The following CCDC175 variants were observed in gnomAD, a reference collection of about 807,000 sequenced individuals.
CCDC175 encodes the protein coiled-coil domain containing 175.
Under a neutral mutation model 114.6 loss-of-function variants are expected in CCDC175, and 100 were observed. The observed-to-expected ratio is 0.87, with a 90% confidence interval of 0.74 to 1.03. The LOEUF (loss-of-function observed/expected upper bound fraction) is 1.03. Ranked by LOEUF, CCDC175 falls within the 50% of genes least tolerant of loss-of-function variation. CCDC175 has a pLI of 0.00. For synonymous variants in CCDC175, 306 were observed against 308.7 expected (o/e 0.99, Z 0.09); for missense variants, 880 against 917.8 (o/e 0.96, Z 0.53).
chr14:59,569,028 T>G (rs1196129549), intron 3 of CCDC175, among the ~76,000 whole-genome samples: 2 of 152,336 alleles, frequency 1.3e-5, no homozygotes, highest in Middle Eastern at 3.4e-3. Flanking sequence ...GGGAACCCAA[T>G]GTATTAAAGA....
chr14:59,536,999 T>C (rs1894442178), intron 13 of CCDC175, among the ~76,000 whole-genome samples: 1 of 152,138 alleles, frequency 6.6e-6, no homozygotes, highest in African/African-American at 2.4e-5. Flanking sequence ...GCCAGGCTGA[T>C]CTTGAACTCC....
At chr14:59,505,357 G>T in intron 19 of CCDC175, 42 bp from the exon 20 acceptor site, 1 of 1,113,160 alleles carries the variant, frequency 9.0e-7, no homozygotes, top group East Asian at 2.6e-5. Flanking sequence ...TATTTGTATT[G>T]CACACATTTG....
intron 16 of CCDC175, among the ~76,000 whole-genome samples, chr14:59,522,408 ATGT>A (rs1893473817): frequency 6.6e-6 from 1 of 152,184 alleles, no homozygotes; most frequent in African/African-American, 2.4e-5. Context: ...TGTATCTTTG[ATGT>A]TGTGTCAGCC....
intron 6 of CCDC175, among the ~76,000 whole-genome samples, chr14:59,562,709 C>A (rs896488457): frequency 6.6e-6 from 1 of 152,124 alleles, no homozygotes; most frequent in Non-Finnish European, 1.5e-5. Flanking sequence ...AGACATATTT[C>A]ATTTTTCCCA....
intron 3 of CCDC175, among the ~76,000 whole-genome samples, chr14:59,569,693 G>T (rs1349354902): frequency 1.3e-5 from 2 of 152,032 alleles, no homozygotes; most frequent in African/African-American, 4.8e-5. Flanking sequence ...TATTTTCCCT[G>T]GCAAACTAGA....
Position 59,563,729 on chromosome 14 carries a change from T to C in CCDC175, c.843+8A>G, listed in dbSNP as rs367893097. 109 of 1,393,626 alleles carry C rather than the reference T, an allele frequency of 7.8e-5. 4 individuals carry two copies. The highest frequency in any genetic ancestry group is 4.4e-4 in the Admixed American group (13 of 29,224). The allele number at this position is 1,393,626 out of a possible 1,614,324, so 86.3% of individuals were successfully genotyped here. On this transcript the variant is annotated splice_region_variant and intron_variant, in intron 6 of 19. Coordinates refer to ENST00000537690, the MANE Select transcript of CCDC175 (RefSeq NM_001164399.2). ...GCTTAAAAATATATATAGTTTATTCTTTCTTACCGCTGCGGAAACAGTAAC... is the reference window on the plus strand; with the variant it reads ...GCTTAAAAATATATATAGTTTATTCCTTCTTACCGCTGCGGAAACAGTAAC...
chr14:59,545,333 T>C (rs1895039052), intron 8 of CCDC175, 34 bp from the exon 9 acceptor site: 1 of 1,532,678 alleles, frequency 6.5e-7, no homozygotes, highest in Admixed American at 2.0e-5. Context: ...ATGAGAGGAC[T>C]GGCTTCACTG....
At chr14:59,524,800 C>T (rs1402369697) in intron 16 of CCDC175, among the ~76,000 whole-genome samples, 1 of 152,110 alleles carries the variant, frequency 6.6e-6, no homozygotes, top group Non-Finnish European at 1.5e-5. Flanking sequence ...TAGCCAAAAA[C>T]TAGAAACTCT....
At chr14:59,523,140 C>A (rs1284193194) in intron 16 of CCDC175, among the ~76,000 whole-genome samples, 1 of 152,220 alleles carries the variant, frequency 6.6e-6, no homozygotes, top group Non-Finnish European at 1.5e-5. Context: ...AATACATATT[C>A]CAATTCTTTT....
intron 16 of CCDC175, 24 bp from the exon 17 acceptor site, chr14:59,521,700 G>A (rs1470352825): frequency 1.5e-5 from 19 of 1,288,944 alleles, no homozygotes; most frequent in Non-Finnish European, 2.0e-5. Context: ...GCATGTGATT[G>A]CTTTTAGCAG....
intron 19 of CCDC175, among the ~76,000 whole-genome samples, chr14:59,509,947 T>G (rs905283084): frequency 6.6e-6 from 1 of 152,238 alleles, no homozygotes; most frequent in African/African-American, 2.4e-5. Context: ...TCTTGTTTCA[T>G]CACTCCATCT....
At chr14:59,571,943 C>T (rs996425548) in intron 3 of CCDC175, among the ~76,000 whole-genome samples, 3 of 151,888 alleles carry the variant, frequency 2.0e-5, no homozygotes, top group African/African-American at 7.3e-5. Flanking sequence ...GCTCCAAAAC[C>T]CCAAACCTTT....
chr14:59,523,530 G>T (rs1395422054), intron 16 of CCDC175, among the ~76,000 whole-genome samples: 1 of 152,074 alleles, frequency 6.6e-6, no homozygotes, highest in Non-Finnish European at 1.5e-5. Context: ...ACTTTTTAAG[G>T]TTACAGTCTT....
chr14:59,523,796 T>C (rs112988802), intron 16 of CCDC175, among the ~76,000 whole-genome samples: 10,598 of 152,158 alleles, frequency 0.07, 465 homozygotes, highest in African/African-American at 0.12. Context: ...GAGACCATCC[T>C]GGCTAACACG....
At chr14:59,558,561 G>A (rs1280305744) in intron 7 of CCDC175, among the ~76,000 whole-genome samples, 1 of 152,180 alleles carries the variant, frequency 6.6e-6, no homozygotes, top group Non-Finnish European at 1.5e-5. Flanking sequence ...AGCAGAAATG[G>A]TAGATGGCCC....
chr14:59,514,854 C>T (rs1892978100), intron 17 of CCDC175, among the ~76,000 whole-genome samples: 1 of 152,068 alleles, frequency 6.6e-6, no homozygotes, highest in Non-Finnish European at 1.5e-5. Flanking sequence ...AACTCCAAGA[C>T]ACATAATTGT....
chr14:59,565,314 C>A, intron 4 of CCDC175, 39 bp from the exon 5 acceptor site: 6 of 1,485,944 alleles, frequency 4.0e-6, no homozygotes, highest in Non-Finnish European at 5.4e-6. Context: ...AGAAGCACAG[C>A]TCCTAAGAAA....
intron 17 of CCDC175, among the ~76,000 whole-genome samples, chr14:59,513,438 G>A (rs1435217329): frequency 1.3e-5 from 2 of 152,142 alleles, no homozygotes; most frequent in South Asian, 2.1e-4. Context: ...GGTGATGGAT[G>A]GCACCTGGAA....
intron 7 of CCDC175, among the ~76,000 whole-genome samples, chr14:59,556,567 C>T (rs1408233398): frequency 1.3e-5 from 2 of 151,986 alleles, no homozygotes; most frequent in Non-Finnish European, 2.9e-5. Flanking sequence ...ACTTCATGTC[C>T]AAAACACCAA....
Sources: gnomAD v4.1 joint callset for allele counts (sites outside exome capture counted in the v4.1 genomes callset) on GRCh38, gnomAD v4.1.1 for gene constraint, MANE v1.5 for transcripts, NCBI Gene and HGNC (gene_info 2026-07-23, HGNC 2026-07-21) for gene names.